The following MTSS2 variants were observed in gnomAD, a reference collection of about 807,000 sequenced individuals.
MTSS2 encodes the protein MTSS I-BAR domain containing 2, also known as protein MTSS 2.
MTSS2 carries 27 observed loss-of-function variants against 67.1 expected under a neutral mutation model. The observed-to-expected ratio is 0.40, with a 90% CI of 0.30 to 0.55. The LOEUF (loss-of-function observed/expected upper bound fraction) is 0.55, where lower values mean the gene tolerates loss of function less well. MTSS2 is among the 20% of genes least tolerant of loss of function. The probability of loss-of-function intolerance (pLI) is 0.43; values close to 1 mark genes in which losing one functional copy is unlikely to be tolerated. For synonymous variants in MTSS2, 624 were observed against 468.6 expected, an observed-to-expected ratio of 1.33 and a Z score of -4.28; for missense variants, 1,171 against 1,067.8, an observed-to-expected ratio of 1.10 and a Z score of -1.35.
In MTSS2 at chr16:70,663,569, C is replaced by G. The variant is rs972429622; in HGVS notation, c.*108G>C. 6.9e-7 allele frequency: 1 copy of G among 1,439,578 alleles called. No homozygotes were observed. Among genetic ancestry groups the G allele is most frequent in the Non-Finnish European group, 9.1e-7 (1 of 1,096,754 alleles). The allele number at this position is 1,439,578 out of a possible 1,614,324, so 89.2% of individuals were successfully genotyped here. Reference sequence around the variant, plus strand: ...TCCATAAAGTGGCATGGCCTCTGCCCTGGCTCTGTCCTCTCTCCTGGCTGG... The same window carrying G: ...TCCATAAAGTGGCATGGCCTCTGCCGTGGCTCTGTCCTCTCTCCTGGCTGG... On this transcript the variant is annotated 3_prime_UTR_variant, in exon 15 of 15. Coordinates refer to ENST00000338779, the MANE Select transcript of MTSS2 (RefSeq NM_138383.3).
intron 1 of MTSS2, among the ~76,000 whole-genome samples, chr16:70,681,585 G>A (rs1333557556): frequency 6.6e-6 from 1 of 152,240 alleles, no homozygotes; most frequent in African/African-American, 2.4e-5. Flanking sequence ...GGCTCCCAGG[G>A]CCGAGGAGGC....
intron 1 of MTSS2, among the ~76,000 whole-genome samples, chr16:70,681,455 G>A (rs1024126936): frequency 6.6e-6 from 1 of 152,248 alleles, no homozygotes. Flanking sequence ...GCCCACCAGG[G>A]GCAGAGGCAC....
At chr16:70,669,498 C>CATAGCAAGACCCTATCTCTTATAAAAAA (rs2052845934) in intron 11 of MTSS2, among the ~76,000 whole-genome samples, 1 of 152,116 alleles carries the variant, frequency 6.6e-6, no homozygotes, top group Non-Finnish European at 1.5e-5. Flanking sequence ...GCCTGGGCAA[C>CATAGCAAGACCCTATCTCTTATAAAAAA]ATAGCAAGAC....
At chr16:70,665,759 C>A in intron 11 of MTSS2, 2 of 489,778 alleles carry the variant, frequency 4.1e-6, no homozygotes, top group Non-Finnish European at 3.7e-6. Context: ...GCTGACCCAC[C>A]TGACAGCCCA....
intron 11 of MTSS2, among the ~76,000 whole-genome samples, chr16:70,670,044 G>T (rs902058039): frequency 2.0e-5 from 3 of 152,120 alleles, no homozygotes; most frequent in Admixed American, 2.0e-4. Flanking sequence ...GCTGAGGGGG[G>T]TGGACTGCCT....
intron 10 of MTSS2, among the ~76,000 whole-genome samples, chr16:70,675,752 G>A (rs563503134): frequency 1.7e-4 from 26 of 152,182 alleles, no homozygotes; most frequent in Admixed American, 5.2e-4. Context: ...TCAAAATCTG[G>A]TATTTGCCAT....
chr16:70,680,584 C>T (rs760875048), intron 3 of MTSS2, among the ~76,000 whole-genome samples: 26 of 152,252 alleles, frequency 1.7e-4, no homozygotes, highest in South Asian at 4.1e-4. Context: ...CCCCGGGGAA[C>T]ACTCCTGTCA....
chr16:70,665,385 G>T, intron 12 of MTSS2, 81 bp downstream of exon 12: 1 of 1,405,658 alleles, frequency 7.1e-7, no homozygotes, highest in Non-Finnish European at 9.6e-7. Context: ...GGCCCTTTGT[G>T]CAGTAATGGC....
chr16:70,662,204 C>CA lies in MTSS2; in HGVS notation c.*1472dup, dbSNP rs1317765131. 101 of 151,374 alleles carry CA rather than the reference C, an allele frequency of 6.7e-4. No individual in the cohort carries two copies. Among genetic ancestry groups the CA allele is most frequent in the African/African-American group, 2.3e-3 (97 of 41,396 alleles). 9.4% of individuals were successfully genotyped at this position (151,374 alleles called of 1,614,324 possible). A position where few individuals can be genotyped will look rare whatever the true frequency, so the allele number is the denominator to read the frequency against. The stretch of plus-strand genomic sequence containing the variant: ...AGCTCCATTCTATCAATCAATCAAT[C>CA]AATCATCAAGACCAAGGTGCTCCTG... On this transcript the variant is annotated 3_prime_UTR_variant, in exon 15 of 15. Coordinates refer to ENST00000338779, the MANE Select transcript of MTSS2 (RefSeq NM_138383.3).
Position 70,664,405 on chromosome 16 carries a change from C to G in MTSS2, c.1516G>C (p.Glu506Gln). The G allele has an allele frequency of 1.3e-6, 2 of 1,555,296 alleles. No homozygotes were observed. Among genetic ancestry groups the G allele is most frequent in the Non-Finnish European group, 1.7e-6 (2 of 1,155,694 alleles). Residue 506 changes from glutamate (E) to glutamine (Q), a missense_variant, in exon 15 of 15, where the codon GAG becomes CAG. By Grantham distance (29) the Glu-to-Gln change is conservative (BLOSUM62 2). Coordinates refer to ENST00000338779, the MANE Select transcript of MTSS2 (RefSeq NM_138383.3). ...CYSVNGDADS[E>Q]GPPEFDKSST... ...GACTTGTCAAACTCGGGCGGGCCCT[C>G]GCTGTCCGCATCCCCATTCACGGAG...
At chr16:70,680,455 G>A (rs1379703079) in intron 3 of MTSS2, among the ~76,000 whole-genome samples, 3 of 152,364 alleles carry the variant, frequency 2.0e-5, no homozygotes, top group East Asian at 3.9e-4. Context: ...CAAGCCCAAC[G>A]GCGCGCTCAC....
At chr16:70,681,359 C>T (rs2053299954) in intron 1 of MTSS2, among the ~76,000 whole-genome samples, 1 of 152,244 alleles carries the variant, frequency 6.6e-6, no homozygotes, top group Admixed American at 6.5e-5. Context: ...TCGGGGTTTC[C>T]CAGGGGCCTG....
rs1390914716 is a variant in MTSS2 at position 70,685,704 on chromosome 16, C to A, written c.69+19G>T. 2.3e-6 allele frequency: 3 copies of A among 1,309,178 alleles called. No individual in the cohort carries two copies. Among genetic ancestry groups the A allele is most frequent in the Non-Finnish European group, 9.9e-7 (1 of 1,010,644 alleles). 81.1% of individuals were successfully genotyped at this position (1,309,178 alleles called of 1,614,324 possible). ...CCGCACCCGTCGCCGCGCGCCCGGC[C>A]CCGCCGCGCCCCGGTTACCTTCATG... On this transcript the variant is annotated intron_variant, in intron 1 of 14. Coordinates refer to ENST00000338779, the MANE Select transcript of MTSS2 (RefSeq NM_138383.3).
At chr16:70,665,350 G>T in intron 12 of MTSS2, 116 bp downstream of exon 12, 1 of 1,146,210 alleles carries the variant, frequency 8.7e-7, no homozygotes, top group Non-Finnish European at 1.2e-6. Context: ...CAGGTGCTGT[G>T]TGCACGCACC....
rs772838081 is a variant in MTSS2, at chr16:70,664,163, G to A, written c.1758C>T (p.Ile586=). 3 of 1,606,382 alleles carry A rather than the reference G, an allele frequency of 1.9e-6. No individual in the cohort carries two copies. The highest frequency in any genetic ancestry group is 2.2e-5 in the East Asian group (1 of 44,836). The change falls in exon 15 of 15, where the codon ATC becomes ATT. Residue 586 remains isoleucine (I), a synonymous_variant. Transcript: ENST00000338779. ...RALSSAGPIP[I]RPPIVPVKTP... is the part of the protein sequence containing the mutation. ...TCTTCACAGGGACGATGGGCGGCCG[G>A]ATGGGGATGGGGCCAGCGCTGGACA... is the stretch of plus-strand genomic sequence containing the variant.
chr16:70,679,937 C>T, intron 4 of MTSS2, 34 bp downstream of exon 4: 1 of 1,501,004 alleles, frequency 6.7e-7, no homozygotes. Flanking sequence ...GCCCCGTCCC[C>T]CCGCCCCCCT....
chr16:70,685,093 A>G (rs2053410639), intron 1 of MTSS2, among the ~76,000 whole-genome samples: 1 of 150,712 alleles, frequency 6.6e-6, no homozygotes, highest in African/African-American at 2.5e-5. Flanking sequence ...TGCTCCACCG[A>G]CCCCAACCTT....
intron 9 of MTSS2, among the ~76,000 whole-genome samples, chr16:70,677,479 T>C (rs2053156273): frequency 1.3e-5 from 2 of 151,162 alleles, no homozygotes. Flanking sequence ...TGAAGGGAGG[T>C]GGGGCGTCTC....
At chr16:70,665,338 G>C (rs1005013251) in intron 12 of MTSS2, 128 bp downstream of exon 12, 22 of 1,062,204 alleles carry the variant, frequency 2.1e-5, no homozygotes, top group Admixed American at 5.0e-5. Flanking sequence ...GTCTCTTGGG[G>C]ACAGGTGCTG....
Sources: allele counts gnomAD v4.1 joint callset (sites outside exome capture counted in the v4.1 genomes callset), GRCh38; gene constraint gnomAD v4.1.1; transcripts MANE v1.5; gene names NCBI Gene and HGNC (gene_info 2026-07-23, HGNC 2026-07-21).